PCDHA4: variants seen among roughly 807,000 people sequenced by gnomAD.
PCDHA4 encodes the protein protocadherin alpha 4, also known as protocadherin alpha-4.
A neutral mutation model predicts 61.4 loss-of-function variants in PCDHA4; 49 were observed. The ratio of observed to expected loss-of-function variants is 0.80; its 90% CI spans 0.63 to 1.01. PCDHA4 has a LOEUF of 1.01. PCDHA4 is among the 50% of genes least tolerant of loss of function. The pLI is 0.00. For synonymous variants in PCDHA4, 590 were observed against 550.3 expected, an observed-to-expected ratio of 1.07 and a Z score of -1.01; for missense variants, 1,254 against 1,235.8, an observed-to-expected ratio of 1.01 and a Z score of -0.22.
intron 1 of PCDHA4, chr5:140,849,943 ACG>A (rs2041244627): frequency 1.3e-6 from 2 of 1,597,782 alleles, no homozygotes; most frequent in Admixed American, 1.7e-5. Context: ...CGGGACGCTG[ACG>A]CGCAGGAGAA....
intron 1 of PCDHA4, chr5:140,841,780 G>T: frequency 6.2e-7 from 1 of 1,613,894 alleles, no homozygotes; most frequent in South Asian, 1.1e-5. Flanking sequence ...CTCGGTTTCC[G>T]CTAGAGGGCG....
At chr5:140,973,273 C>A (rs1180418925) in intron 1 of PCDHA4, among the ~76,000 whole-genome samples, 1 of 152,150 alleles carries the variant, frequency 6.6e-6, no homozygotes, top group Non-Finnish European at 1.5e-5. Flanking sequence ...ACTTTTATTT[C>A]CCCCAGCACT....
intron 1 of PCDHA4, chr5:140,824,141 T>C: frequency 6.2e-7 from 1 of 1,612,188 alleles, no homozygotes; most frequent in South Asian, 1.1e-5. Context: ...AGTTTTCTAA[T>C]ATTAACATCC....
chr5:140,824,178 T>C, intron 1 of PCDHA4: 1 of 1,608,694 alleles, frequency 6.2e-7, no homozygotes, highest in Non-Finnish European at 8.5e-7. Context: ...TTTCAAATAT[T>C]AAATGTCACA....
chr5:140,857,133 C>T, intron 1 of PCDHA4: 3 of 1,598,212 alleles, frequency 1.9e-6, no homozygotes, highest in South Asian at 1.1e-5. Flanking sequence ...AAAGAAGATG[C>T]TCAAGTGGGC....
At chr5:140,968,729 A>G (rs1563381706) in intron 1 of PCDHA4, 1 of 1,614,134 alleles carries the variant, frequency 6.2e-7, no homozygotes, top group Non-Finnish European at 8.5e-7. Flanking sequence ...GAGTGGTAGC[A>G]CTTTCAACCT....
At chr5:140,971,369 T>C (rs1384716266) in intron 1 of PCDHA4, among the ~76,000 whole-genome samples, 1 of 152,094 alleles carries the variant, frequency 6.6e-6, no homozygotes, top group Non-Finnish European at 1.5e-5. Context: ...GCCAGGAGAG[T>C]GCATGACTTT....
chr5:140,850,702 A>AAG, intron 1 of PCDHA4: 1 of 1,598,166 alleles, frequency 6.3e-7, no homozygotes, highest in Non-Finnish European at 8.6e-7. Flanking sequence ...GCGCCTGGCA[A>AAG]GCCGACGCTG....
chr5:140,809,782 T>G (rs1554125356), intron 1 of PCDHA4: 4 of 502,500 alleles, frequency 8.0e-6, no homozygotes, highest in African/African-American at 3.9e-5. Flanking sequence ...CAATGCATAT[T>G]AACAGAACTG....
At chr5:140,830,279 G>A (rs2150184149) in intron 1 of PCDHA4, 1 of 1,613,822 alleles carries the variant, frequency 6.2e-7, no homozygotes, top group Non-Finnish European at 8.5e-7. Flanking sequence ...ACCCACCGAG[G>A]GCGCGTGCAC....
chr5:140,877,153 A>T (rs2056892429), intron 1 of PCDHA4: 2 of 1,613,798 alleles, frequency 1.2e-6, no homozygotes, highest in Non-Finnish European at 1.7e-6. Flanking sequence ...CGAGAACGAC[A>T]ACGCGCCGGC....
chr5:140,868,980 G>T (rs2050777662), intron 1 of PCDHA4: 5 of 1,489,988 alleles, frequency 3.4e-6, no homozygotes, highest in South Asian at 1.4e-5. Context: ...CCATCATACC[G>T]GATGCCACCG....
intron 1 of PCDHA4, among the ~76,000 whole-genome samples, chr5:140,872,990 A>C (rs987650775): frequency 6.6e-6 from 1 of 152,184 alleles, no homozygotes; most frequent in African/African-American, 2.4e-5. Context: ...AAGATCATTT[A>C]CTTCTGAGTC....
chr5:141,011,626 C>T lies in PCDHA4; in HGVS notation c.*1689C>T, dbSNP rs1340546254. 6.5e-6 allele frequency: 1 copy of T among 153,668 alleles called. No individual in the cohort carries two copies. Among genetic ancestry groups the T allele is most frequent in the Non-Finnish European group, 1.5e-5 (1 of 68,026 alleles). The allele number at this position is 153,668 out of a possible 1,614,324, so 9.5% of individuals were successfully genotyped here. On this transcript the variant is annotated 3_prime_UTR_variant, in exon 4 of 4. Transcript: ENST00000530339. Reference sequence around the variant, plus strand: ...ATTTTATTTATGGTCCAGCCAAGAGCCATCTCGTGCCAAGACTTCTGCTGG... The same window carrying T: ...ATTTTATTTATGGTCCAGCCAAGAGTCATCTCGTGCCAAGACTTCTGCTGG...
At chr5:140,834,107 A>C in intron 1 of PCDHA4, 1 of 401,594 alleles carries the variant, frequency 2.5e-6, no homozygotes, top group Non-Finnish European at 4.4e-6. Context: ...AAAAAAATTC[A>C]GAGTTTGAAA....
rs1202926318 is a variant in PCDHA4, at chr5:140,808,135, T to A, written c.948T>A (p.Tyr316Ter). 2.5e-6 allele frequency: 4 copies of A among 1,613,910 alleles called. No homozygotes were observed. The highest frequency in any genetic ancestry group is 3.4e-6 in the Non-Finnish European group (4 of 1,179,886). ...GYIDFEESKS[Y>*]EIIVEGIDKG... is the part of the protein sequence containing the mutation. ...TTGACTTTGAAGAAAGCAAATCCTATGAAATTATTGTAGAGGGCATTGATA... is the reference window on the plus strand; with the variant it reads ...TTGACTTTGAAGAAAGCAAATCCTAAGAAATTATTGTAGAGGGCATTGATA... The change falls in exon 1 of 4, where the codon TAT becomes TAA. Residue 316 changes from tyrosine to a stop codon, truncating the protein, a stop_gained. Transcript: ENST00000530339. LOFTEE classifies it high-confidence loss of function.
In PCDHA4 at chr5:140,808,483, G is replaced by A. The variant is rs1412619146; in HGVS notation, c.1296G>A (p.Ser432=). 4 of 1,614,152 alleles carry A rather than the reference G, an allele frequency of 2.5e-6. No homozygotes were observed. Among genetic ancestry groups the A allele is most frequent in the Non-Finnish European group, 3.4e-6 (4 of 1,180,044 alleles). The stretch of plus-strand genomic sequence containing the variant: ...TGGTGACCGCGCGAGACGGGGGCTC[G>A]CCTTCGCTGTGGGCCACGGCCAGTG... ...ELVVTARDGG[S]PSLWATASVS... is the part of the protein sequence containing the mutation. The change falls in exon 1 of 4, where the codon TCG becomes TCA. Residue 432 remains serine, a synonymous_variant. Transcript: ENST00000530339.
chr5:141,007,395 C>CAAAAAAAAAAAAAAAAAAAAAAAAAAA (rs35800918), intron 3 of PCDHA4, among the ~76,000 whole-genome samples: 1 of 94,866 alleles, frequency 1.1e-5, no homozygotes, highest in Non-Finnish European at 2.1e-5. Context: ...TACTAAAATA[C>CAAAAAAAAAAAAAAAAAAAAAAAAAAA]AAAAAAAAAA....
chr5:140,983,005 AAAGG>A (rs1223217874), intron 3 of PCDHA4, among the ~76,000 whole-genome samples: 2 of 152,110 alleles, frequency 1.3e-5, no homozygotes, highest in African/African-American at 2.4e-5. Flanking sequence ...AAAGAAAGAA[AAAGG>A]AAGGAAGGAA....
Sources: gnomAD v4.1 joint callset for allele counts (sites outside exome capture counted in the v4.1 genomes callset) on GRCh38, gnomAD v4.1.1 for gene constraint, MANE v1.5 for transcripts, NCBI Gene and HGNC (gene_info 2026-07-23, HGNC 2026-07-21) for gene names.